Variants in FGL1 observed in about 807,000 individuals in gnomAD.
FGL1 encodes the protein fibrinogen-like protein 1.
Under a neutral mutation model 43.7 loss-of-function variants are expected in FGL1, and 59 were observed. That is an observed-to-expected ratio of 1.35 (90% CI 1.10 to 1.68). The LOEUF is 1.68. FGL1 is among the 40% of genes most tolerant of loss of function. FGL1 has a pLI of 0.00. For missense variants in FGL1, 596 were observed against 373.0 expected (o/e 1.60, Z -4.92); for synonymous variants, 192 against 126.5 (o/e 1.52, Z -3.48).
chr8:17,865,348 T>G (rs1034304149), intron 7 of FGL1, among the ~76,000 whole-genome samples: 1 of 152,186 alleles, frequency 6.6e-6, no homozygotes, highest in African/African-American at 2.4e-5. Flanking sequence ...GCTCTACTAC[T>G]GGCTTTCCTG....
chr8:17,888,151 G>C (rs2131742904), intron 1 of FGL1, among the ~76,000 whole-genome samples: 1 of 152,022 alleles, frequency 6.6e-6, no homozygotes, highest in African/African-American at 2.4e-5. Flanking sequence ...GTTAAAAATA[G>C]AGAAAATTAA....
chr8:17,877,804 G>A (rs2517306), intron 3 of FGL1, among the ~76,000 whole-genome samples: 110,166 of 151,990 alleles, frequency 0.72, 40,465 homozygotes, highest in Non-Finnish European at 0.79. Context: ...ATTTTTAAAT[G>A]TGCAATTAAA....
At chr8:17,875,533 T>TTCTTTCTTTCTTTCTTTCTC (rs1208572003) in intron 3 of FGL1, among the ~76,000 whole-genome samples, 1 of 11,846 alleles carries the variant, frequency 8.4e-5, no homozygotes, top group Admixed American at 7.1e-4. Flanking sequence ...CTTTCTTTCT[T>TTCTTTCTTTCTTTCTTTCTC]TCTCTTTCTT....
At chr8:17,877,116 T>G (rs1198679543) in intron 3 of FGL1, among the ~76,000 whole-genome samples, 1 of 152,154 alleles carries the variant, frequency 6.6e-6, no homozygotes, top group African/African-American at 2.4e-5. Context: ...AATGTAGAAT[T>G]TAAAATATGA....
chr8:17,872,388 C>T (rs192928136), intron 5 of FGL1, among the ~76,000 whole-genome samples: 199 of 151,332 alleles, frequency 1.3e-3, no homozygotes, highest in African/African-American at 4.4e-3. Flanking sequence ...CTGCAACCTC[C>T]GCCTCTTGGG....
chr8:17,882,142 C>A lies in FGL1; in HGVS notation c.101G>T (p.Arg34Ile), dbSNP rs139229522. The A allele has an allele frequency of 6.2e-7, 1 of 1,613,940 alleles. No individual in the cohort carries two copies. Among genetic ancestry groups the A allele is most frequent in the Non-Finnish European group, 8.5e-7 (1 of 1,179,996 alleles). The change falls in exon 3 of 8, where the codon AGA becomes ATA. Residue 34 changes from arginine (R) to isoleucine (I), a missense_variant. Transcript: ENST00000427924. The part of the protein sequence containing the change: ...EDCAQEQMRL[R>I]AQVRLLETRV... ...GGTCTCAAGCAGGCGCACCTGGGCTCTGAGCCGCATCTGCTCCTGGGCACA... is the reference window on the plus strand; with the variant it reads ...GGTCTCAAGCAGGCGCACCTGGGCTATGAGCCGCATCTGCTCCTGGGCACA...
intron 1 of FGL1, among the ~76,000 whole-genome samples, chr8:17,887,557 T>C (rs1013589327): frequency 2.6e-5 from 4 of 152,062 alleles, no homozygotes; most frequent in East Asian, 3.8e-4. Context: ...GTGAACAAAA[T>C]AACCAAGATG....
chr8:17,893,415 T>C (rs2053733938), intron 1 of FGL1, among the ~76,000 whole-genome samples: 1 of 150,062 alleles, frequency 6.7e-6, no homozygotes, highest in African/African-American at 2.4e-5. Flanking sequence ...AATATGTATA[T>C]ATTATAGATT....
chr8:17,883,688 ATT>A (rs1416234274), intron 2 of FGL1, among the ~76,000 whole-genome samples: 1 of 143,698 alleles, frequency 7.0e-6, no homozygotes, highest in African/African-American at 2.6e-5. Flanking sequence ...ATATATATAT[ATT>A]TTTTATATAT....
At chr8:17,879,510 A>G (rs560877979) in intron 3 of FGL1, among the ~76,000 whole-genome samples, 2 of 152,108 alleles carry the variant, frequency 1.3e-5, no homozygotes, top group East Asian at 3.9e-4. Context: ...TTTTAGCACC[A>G]TCTCTCTTGG....
Position 17,868,534 on chromosome 8 carries a change from A to G in FGL1, c.779+14T>C, listed in dbSNP as rs2131694201. 6.2e-7 allele frequency: 1 copy of G among 1,603,268 alleles called. No individual in the cohort carries two copies. The highest frequency in any genetic ancestry group is 1.1e-5 in the South Asian group (1 of 89,220). On this transcript the variant is annotated intron_variant, in intron 7 of 7. Transcript: ENST00000427924. ...CATCAACTCCATTACAACTATGCTC[A>G]TAAGACATCAAACCTGTTAAACCAC...
intron 2 of FGL1, chr8:17,882,793 A>G (rs538315106): frequency 9.5e-5 from 11 of 116,130 alleles, no homozygotes; most frequent in African/African-American, 3.7e-4. Flanking sequence ...TATATAGTAT[A>G]TAATATATTA....
chr8:17,877,467 A>G (rs1030797620), intron 3 of FGL1, among the ~76,000 whole-genome samples: 1 of 152,160 alleles, frequency 6.6e-6, no homozygotes, highest in African/African-American at 2.4e-5. Context: ...CTGAGGCACA[A>G]AGCTGAGAAC....
chr8:17,871,675 AGG>A (rs1338180133), intron 5 of FGL1, among the ~76,000 whole-genome samples: 1 of 152,202 alleles, frequency 6.6e-6, no homozygotes, highest in African/African-American at 2.4e-5. Context: ...CTATTCTCAG[AGG>A]TAATTCATTA....
Position 17,864,705 on chromosome 8 carries a change from T to A in FGL1, c.826A>T (p.Thr276Ser), listed in dbSNP as rs1563443997. Residue 276 changes from threonine to serine, a missense_variant, in exon 8 of 8, where the codon ACG (threonine) becomes TCG (serine). Thr to Ser is a moderately conservative substitution (Grantham distance 58). Transcript: ENST00000427924. ...ACAATCCCATTGTCTGTTTTAGCCG[T>A]GTAGGGGCCGCTGTAGTATACACCA... ...LNGVYYSGPY[T>S]AKTDNGIVWY... 6.2e-7 allele frequency: 1 copy of A among 1,612,604 alleles called. No individual in the cohort carries two copies. The highest frequency in any genetic ancestry group is 1.3e-5 in the African/African-American group (1 of 74,872).
intron 7 of FGL1, among the ~76,000 whole-genome samples, chr8:17,867,736 A>C (rs1006568524): frequency 1.3e-5 from 2 of 152,188 alleles, no homozygotes; most frequent in African/African-American, 4.8e-5. Flanking sequence ...CCTGGGCAGA[A>C]AGAATCCAAT....
intron 2 of FGL1, among the ~76,000 whole-genome samples, 157 bp downstream of exon 2, chr8:17,885,334 CT>C (rs1380213948): frequency 6.6e-6 from 1 of 152,132 alleles, no homozygotes; most frequent in East Asian, 1.9e-4. Context: ...TAAAGTGCTG[CT>C]TTACTATGTG....
chr8:17,883,594 TA>T (rs2131732245), intron 2 of FGL1, among the ~76,000 whole-genome samples: 1 of 141,900 alleles, frequency 7.0e-6, no homozygotes, highest in East Asian at 2.0e-4. Flanking sequence ...TACGTATATA[TA>T]AAATTACATA....
chr8:17,882,042 A>G lies in FGL1; in HGVS notation c.201T>C (p.Asp67=), dbSNP rs753535562. 4.3e-6 allele frequency: 7 copies of G among 1,613,826 alleles called. No homozygotes were observed. Among genetic ancestry groups the G allele is most frequent in the South Asian group, 2.2e-5 (2 of 91,078 alleles). The stretch of plus-strand genomic sequence containing the variant: ...TTCCAAGATCAATGACAGTATTCTC[A>G]TCTCCTTTATCAAGGAACTGGACTT... The part of the protein sequence containing the change: ...ENEVQFLDKG[D]ENTVIDLGSK... Residue 67 remains aspartate, a synonymous_variant, in exon 3 of 8, where the codon GAT becomes GAC. Coordinates refer to ENST00000427924, the MANE Select transcript of FGL1 (RefSeq NM_004467.4).
Sources: gnomAD v4.1 joint callset for allele counts (sites outside exome capture counted in the v4.1 genomes callset) on GRCh38, gnomAD v4.1.1 for gene constraint, MANE v1.5 for transcripts, NCBI Gene and HGNC (gene_info 2026-07-23, HGNC 2026-07-21) for gene names.